Variants in SHTN1 observed in about 807,000 individuals in gnomAD.
SHTN1 encodes the protein shootin-1.
In SHTN1, 42 loss-of-function variants were observed where a neutral mutation model predicts 83.1. That is an observed-to-expected ratio of 0.51 (90% confidence interval 0.39 to 0.65). The LOEUF (loss-of-function observed/expected upper bound fraction) is 0.65, where lower values mean the gene tolerates loss of function less well. Ranked by LOEUF, SHTN1 falls within the 30% of genes least tolerant of loss-of-function variation. SHTN1 has a pLI of 0.00. For synonymous variants in SHTN1, 224 were observed against 247.7 expected (o/e 0.90, Z 0.90); for missense variants, 622 against 737.8 (o/e 0.84, Z 1.82).
intron 1 of SHTN1, among the ~76,000 whole-genome samples, chr10:117,086,395 C>A (rs959545437): frequency 2.0e-5 from 3 of 152,188 alleles, no homozygotes; most frequent in Admixed American, 2.0e-4. Flanking sequence ...TTTAACCACT[C>A]TGAGCGTCCT....
chr10:117,114,634 G>A (rs949225119), intron 1 of SHTN1, among the ~76,000 whole-genome samples: 1 of 152,148 alleles, frequency 6.6e-6, no homozygotes, highest in Admixed American at 6.6e-5. Flanking sequence ...ACACTAGGCA[G>A]GAAGCAGGCC....
chr10:116,966,118 T>G (rs1589851067), intron 3 of SHTN1, among the ~76,000 whole-genome samples: 1 of 152,304 alleles, frequency 6.6e-6, no homozygotes, highest in East Asian at 1.9e-4. Flanking sequence ...GTGATTCTCC[T>G]GCCTCAATAG....
chr10:117,074,235 G>A (rs535524333), intron 1 of SHTN1, among the ~76,000 whole-genome samples: 1 of 152,142 alleles, frequency 6.6e-6, no homozygotes, highest in Non-Finnish European at 1.5e-5. Flanking sequence ...TTGAGCTAAC[G>A]GTGTCATAAA....
At chr10:117,055,017 A>C (rs1852807752) in intron 1 of SHTN1, among the ~76,000 whole-genome samples, 1 of 152,180 alleles carries the variant, frequency 6.6e-6, no homozygotes, top group African/African-American at 2.4e-5. Flanking sequence ...ACAGTTCCAC[A>C]TGGTTGGGGA....
At chr10:116,895,767 C>T (rs77256089) in intron 16 of SHTN1, among the ~76,000 whole-genome samples, 1,630 of 152,262 alleles carry the variant, frequency 0.011, 8 homozygotes, top group Middle Eastern at 0.02. Context: ...AAGTTTAAAA[C>T]GTTCAAGTGC....
chr10:116,915,959 T>C (rs1474334844), intron 12 of SHTN1, among the ~76,000 whole-genome samples: 1 of 152,222 alleles, frequency 6.6e-6, no homozygotes, highest in Non-Finnish European at 1.5e-5. Context: ...TTGGAATAAG[T>C]CTATAGTCAA....
intron 1 of SHTN1, among the ~76,000 whole-genome samples, chr10:117,089,009 G>T (rs918968922): frequency 6.6e-6 from 1 of 152,106 alleles, no homozygotes; most frequent in African/African-American, 2.4e-5. Flanking sequence ...GGTGGTAAAG[G>T]CAGAATAAAA....
Position 116,929,837 on chromosome 10 carries a change from C to G in SHTN1, c.1012+12G>C. 1 of 1,585,764 alleles carries G rather than the reference C, an allele frequency of 6.3e-7. No individual in the cohort carries two copies. The highest frequency in any genetic ancestry group is 1.2e-5 in the South Asian group (1 of 86,358). ...TAATAGTAAGACATAGTAGCCTACT[C>G]AATGCTTTTACCAGAGTGCTTTAAA... On this transcript the variant is annotated intron_variant, in intron 10 of 16. Coordinates refer to ENST00000355371, the MANE Select transcript of SHTN1 (RefSeq NM_001127211.3).
At chr10:117,110,025 GTT>G (rs1853743163) in intron 1 of SHTN1, among the ~76,000 whole-genome samples, 1 of 152,134 alleles carries the variant, frequency 6.6e-6, no homozygotes, top group Non-Finnish European at 1.5e-5. Flanking sequence ...GTCTACCTGA[GTT>G]TGTACTGGAT....
intron 2 of SHTN1, among the ~76,000 whole-genome samples, chr10:117,042,250 C>G (rs1852594019): frequency 6.6e-6 from 1 of 152,138 alleles, no homozygotes; most frequent in South Asian, 2.1e-4. Flanking sequence ...TCTATGTAAT[C>G]AGAGAAATGT....
At chr10:116,992,760 AAT>A (rs1289551448) in intron 1 of SHTN1, among the ~76,000 whole-genome samples, 1 of 152,152 alleles carries the variant, frequency 6.6e-6, no homozygotes, top group Non-Finnish European at 1.5e-5. Flanking sequence ...GAAACCTGAT[AAT>A]GAGATGTTTT....
intron 1 of SHTN1, among the ~76,000 whole-genome samples, chr10:117,086,270 T>G (rs1853351635): frequency 6.6e-6 from 1 of 152,222 alleles, no homozygotes; most frequent in African/African-American, 2.4e-5. Flanking sequence ...CAACTTTCTT[T>G]TGACTAGTAG....
chr10:116,976,352 C>T (rs137894802), intron 2 of SHTN1, among the ~76,000 whole-genome samples: 1 of 152,170 alleles, frequency 6.6e-6, no homozygotes, highest in Non-Finnish European at 1.5e-5. Context: ...TCACATCCAC[C>T]GCCGCCTCCC....
chr10:117,003,737 T>C (rs1298999083), intron 1 of SHTN1, among the ~76,000 whole-genome samples: 1 of 151,984 alleles, frequency 6.6e-6, no homozygotes, highest in Non-Finnish European at 1.5e-5. Context: ...CCAAGAGAAG[T>C]GAAAGAGCTG....
At position 117,043,872 on chromosome 10, in the gene SHTN1, T is replaced by C. The variant is rs533361957; in HGVS notation, c.-123+4573A>G. On this transcript the variant is annotated intron_variant, in intron 2 of 17. Transcript: ENST00000392901. ...ATAAATAAATAAACAAACAAACAAATAAATAAATAAACAAGGGGCTTTTAG... is the reference window on the plus strand; with the variant it reads ...ATAAATAAATAAACAAACAAACAAACAAATAAATAAACAAGGGGCTTTTAG... Among the ~76,000 whole-genome samples, 26 of 151,388 alleles carry C rather than the reference T, an allele frequency of 1.7e-4. No homozygotes were observed. The South Asian group carries it at 3.2e-3, about 18-fold the overall frequency.
At chr10:116,966,611 T>C (rs934624170) in intron 3 of SHTN1, among the ~76,000 whole-genome samples, 1 of 152,196 alleles carries the variant, frequency 6.6e-6, no homozygotes, top group African/African-American at 2.4e-5. Flanking sequence ...AAATGGCAGA[T>C]GAAAGCAGAA....
intron 12 of SHTN1, 149 bp from the exon 13 acceptor site, chr10:116,915,633 A>T (rs964351463): frequency 1.6e-5 from 9 of 572,358 alleles, no homozygotes; most frequent in Non-Finnish European, 2.8e-5. Context: ...ACTAGTTAAC[A>T]GCTATCAGGT....
chr10:117,005,232 C>A (rs1851975551), upstream of SHTN1: 1 of 1,493,858 alleles, frequency 6.7e-7, no homozygotes, highest in East Asian at 2.5e-5. Context: ...GCGCGGAGCG[C>A]GCGAGTGAGA....
intron 1 of SHTN1, among the ~76,000 whole-genome samples, chr10:117,086,371 C>G (rs1003144608): frequency 2.0e-5 from 3 of 152,156 alleles, no homozygotes; most frequent in Admixed American, 1.3e-4. Flanking sequence ...TAGTTGGGGT[C>G]TTGTTTGCTT....
Sources: allele counts gnomAD v4.1 joint callset (sites outside exome capture counted in the v4.1 genomes callset), GRCh38; gene constraint gnomAD v4.1.1; transcripts MANE v1.5; gene names NCBI Gene and HGNC (gene_info 2026-07-23, HGNC 2026-07-21).